The following MON2 variants were observed in gnomAD, a reference collection of about 807,000 sequenced individuals.
MON2 encodes protein MON2 homolog.
In MON2, 84 loss-of-function variants were observed where a neutral mutation model predicts 208.6. That is an observed-to-expected ratio of 0.40 (90% confidence interval 0.34 to 0.48). The LOEUF is 0.48. Among genes scored for constraint, MON2 ranks in the 20% least tolerant of loss-of-function variants. MON2 has a pLI of 0.59. For synonymous variants in MON2, 660 were observed against 694.0 expected (o/e 0.95, Z 0.77); for missense variants, 1,611 against 2,015.4 (o/e 0.80, Z 3.84).
At chr12:62,528,861 A>G (rs751266145) in intron 11 of MON2, among the ~76,000 whole-genome samples, 1 of 152,134 alleles carries the variant, frequency 6.6e-6, no homozygotes, top group Non-Finnish European at 1.5e-5. Flanking sequence ...TCTGTTTTTC[A>G]CTTTCCTTTT....
In MON2 at chr12:62,560,605, T is replaced by C; in HGVS notation, c.3524T>C (p.Ile1175Thr). ...AAAAGCTTCCAGGAAATTTTACAGA[T>C]TGTGTCCCCTGTCAGAGACTCAGAT... ...ALKSFQEILQ[I>T]VSPVRDSDKP... Residue 1175 changes from isoleucine (I) to threonine (T), a missense_variant, in exon 26 of 35, where the codon ATT (isoleucine) becomes ACT (threonine). Physicochemically the swap from Ile to Thr is moderately conservative, Grantham distance 89. Transcript: ENST00000393630. 1 of 1,614,118 alleles carries C rather than the reference T, an allele frequency of 6.2e-7. No homozygotes were observed. Among genetic ancestry groups the C allele is most frequent in the South Asian group, 1.1e-5 (1 of 91,082 alleles).
intron 32 of MON2, among the ~76,000 whole-genome samples, chr12:62,584,793 C>G (rs1261561755): frequency 6.7e-6 from 1 of 148,682 alleles, no homozygotes; most frequent in East Asian, 2.0e-4. Context: ...ATGGCAAAGA[C>G]TAGTTTCAGG....
chr12:62,564,195 A>G (rs2074292614), intron 26 of MON2, among the ~76,000 whole-genome samples: 1 of 152,136 alleles, frequency 6.6e-6, no homozygotes. Flanking sequence ...CTAAATGGCT[A>G]CATCTCCTCT....
chr12:62,537,477 C>T (rs544153004), intron 15 of MON2, 125 bp from the exon 16 acceptor site: 80 of 752,740 alleles, frequency 1.1e-4, no homozygotes, highest in Admixed American at 2.3e-4. Context: ...CTTATAAAAC[C>T]TTCCAAATCT....
Position 62,508,297 on chromosome 12 carries a change from T to G in MON2, c.801T>G (p.Phe267Leu), listed in dbSNP as rs769631514. ...FPQVFLQHQEFSFLLKERVCP... is the reference protein window; with the variant it reads ...FPQVFLQHQELSFLLKERVCP... ...TTCCTTGCAAATAGCACCAAGAATT[T>G]AGTTTCCTCCTCAAAGAAAGGGTAT... is the stretch of plus-strand genomic sequence containing the variant. The change falls in exon 8 of 35, where the codon TTT (phenylalanine) becomes TTG (leucine). Residue 267 changes from phenylalanine to leucine, a missense_variant. Transcript: ENST00000393630. The G allele has an allele frequency of 3.4e-5, 55 of 1,611,138 alleles. No homozygotes were observed. The highest frequency in any genetic ancestry group is 4.4e-5 in the Non-Finnish European group (52 of 1,178,752).
At chr12:62,577,164 T>A (rs992537964) in intron 30 of MON2, among the ~76,000 whole-genome samples, 1 of 152,066 alleles carries the variant, frequency 6.6e-6, no homozygotes, top group Non-Finnish European at 1.5e-5. Context: ...GATGCAGATA[T>A]AGTCTGTGAA....
intron 11 of MON2, among the ~76,000 whole-genome samples, chr12:62,528,699 C>T (rs917130161): frequency 7.9e-5 from 12 of 152,064 alleles, no homozygotes; most frequent in African/African-American, 2.4e-4. Context: ...TACATTTTCC[C>T]AATAGATCAC....
rs370851880 is a variant in MON2 at position 62,507,901 on chromosome 12, T to G, written c.790-385T>G. Among the ~76,000 whole-genome samples, 93 of 152,260 alleles carry G rather than the reference T, an allele frequency of 6.1e-4. 2 individuals carry two copies. The East Asian group carries it at 0.013, about 21-fold the overall frequency. On this transcript the variant is annotated intron_variant, in intron 7 of 34. Transcript: ENST00000393630. ...CTTCCACCTCAGCCTCCCAAATTGC[T>G]GGGACTACTGGTGCGTGCCACCATA...
chr12:62,597,227 CTCTTT>C lies in MON2; in HGVS notation c.*4480_*4484del, dbSNP rs535229988. ...ACATCACTTTCTTCCCTCCCCTTCT[CTCTTT>C]TATGTTTTTATCCTTGTTAAATTTT... On this transcript the variant is annotated 3_prime_UTR_variant, in exon 35 of 35. Transcript: ENST00000393630. 2.3e-4 allele frequency: 35 copies of C among 152,206 alleles called. No homozygotes were observed. Among genetic ancestry groups the C allele is most frequent in the Admixed American group, 1.4e-3 (22 of 15,282 alleles). 9.4% of individuals were successfully genotyped at this position (152,206 alleles called of 1,614,324 possible). A position where few individuals can be genotyped will look rare whatever the true frequency, so the allele number is the denominator to read the frequency against.
rs1328843626 is a variant in MON2, at chr12:62,598,089, T to G, written c.*5340T>G. On this transcript the variant is annotated 3_prime_UTR_variant, in exon 35 of 35. Transcript: ENST00000393630. ...ATTTCAACTATTTTCATTTTTCTGT[T>G]GCAAAGCAGTCTTTGATGGAAGACC... 1 of 152,204 alleles carries G rather than the reference T, an allele frequency of 6.6e-6. No individual in the cohort carries two copies. The highest frequency in any genetic ancestry group is 1.5e-5 in the Non-Finnish European group (1 of 68,032). The allele number at this position is 152,204 out of a possible 1,614,324, so 9.4% of individuals were successfully genotyped here. A position where few individuals can be genotyped will look rare whatever the true frequency, so the allele number is the denominator to read the frequency against.
intron 11 of MON2, among the ~76,000 whole-genome samples, chr12:62,530,954 A>G (rs2072608210): frequency 6.6e-6 from 1 of 152,184 alleles, no homozygotes; most frequent in Non-Finnish European, 1.5e-5. Context: ...ATATCTTACC[A>G]TGCTTTGATT....
At chr12:62,559,076 A>G (rs1005140976) in intron 25 of MON2, among the ~76,000 whole-genome samples, 2 of 152,192 alleles carry the variant, frequency 1.3e-5, no homozygotes, top group Non-Finnish European at 2.9e-5. Context: ...CAGAGTAGGC[A>G]GATAGTACCT....
At chr12:62,508,831 A>T (rs972477992) in intron 8 of MON2, 3 of 197,810 alleles carry the variant, frequency 1.5e-5, no homozygotes, top group African/African-American at 7.0e-5. Context: ...ATACTGTTTC[A>T]TATGTCTTAA....
chr12:62,571,827 T>C (rs2074606229), intron 30 of MON2, among the ~76,000 whole-genome samples: 1 of 152,198 alleles, frequency 6.6e-6, no homozygotes, highest in Non-Finnish European at 1.5e-5. Context: ...TACAAATGCA[T>C]CATATTTAAG....
intron 1 of MON2, among the ~76,000 whole-genome samples, chr12:62,477,771 C>T (rs376577644): frequency 1.3e-5 from 2 of 152,110 alleles, no homozygotes; most frequent in Admixed American, 6.6e-5. Flanking sequence ...TCCATTCCTG[C>T]GCAAGTTACA....
intron 11 of MON2, among the ~76,000 whole-genome samples, chr12:62,529,252 T>G (rs78336171): frequency 9.1e-4 from 139 of 152,344 alleles, no homozygotes; most frequent in African/African-American, 3.1e-3. Context: ...GGCTTTAGTG[T>G]CAGTCAGACT....
chr12:62,543,176 C>A lies in MON2; in HGVS notation c.2444C>A (p.Pro815His). The A allele has an allele frequency of 6.4e-7, 1 of 1,550,530 alleles. No individual in the cohort carries two copies. Among genetic ancestry groups the A allele is most frequent in the Non-Finnish European group, 8.7e-7 (1 of 1,152,730 alleles). Residue 815 changes from proline to histidine, a missense_variant, in exon 20 of 35, where the codon CCT becomes CAT. Transcript: ENST00000393630. ...NMHRIEILWR[P>H]LTGHLLEVCQ... ...CACCGAATAGAAATTCTGTGGAGACCTCTGACTGGCCATCTACTTGAGGTA... is the reference window on the plus strand; with the variant it reads ...CACCGAATAGAAATTCTGTGGAGACATCTGACTGGCCATCTACTTGAGGTA...
rs1386342599 is a variant in MON2, at chr12:62,598,117, G to C, written c.*5368G>C. The C allele has an allele frequency of 6.6e-6, 1 of 152,102 alleles. No individual in the cohort carries two copies. Among genetic ancestry groups the C allele is most frequent in the Non-Finnish European group, 1.5e-5 (1 of 68,026 alleles). The allele number at this position is 152,102 out of a possible 1,614,324, so 9.4% of individuals were successfully genotyped here. On this transcript the variant is annotated 3_prime_UTR_variant, in exon 35 of 35. Coordinates refer to ENST00000393630, the MANE Select transcript of MON2 (RefSeq NM_015026.3). ...AAAGCAGTCTTTGATGGAAGACCCGGAATCTTATAGTTCTCATATCTGAGT... is the reference window on the plus strand; with the variant it reads ...AAAGCAGTCTTTGATGGAAGACCCGCAATCTTATAGTTCTCATATCTGAGT...
In MON2 at chr12:62,592,540, T is replaced by C. The variant is rs780700091; in HGVS notation, c.4991-46T>C. ...TTGTGTTCATGTTAATTGAATAATC[T>C]CTATTTAATTCCACCCTTTTGAGGT... On this transcript the variant is annotated intron_variant, in intron 34 of 34. Transcript: ENST00000393630. 3.4e-6 allele frequency: 5 copies of C among 1,452,714 alleles called. No homozygotes were observed. The African/African-American group carries it at 7.0e-5, about 20-fold the overall frequency. The allele number at this position is 1,452,714 out of a possible 1,614,324, so 90.0% of individuals were successfully genotyped here.
Sources: gnomAD v4.1 joint callset for allele counts (sites outside exome capture counted in the v4.1 genomes callset) on GRCh38, gnomAD v4.1.1 for gene constraint, MANE v1.5 for transcripts, NCBI Gene and HGNC (gene_info 2026-07-23, HGNC 2026-07-21) for gene names.